NME2: variants seen among roughly 807,000 people sequenced by gnomAD.
NME2 encodes the protein NME/NM23 nucleoside diphosphate kinase 2, also known as nucleoside diphosphate kinase B.
Under a neutral mutation model 17.8 loss-of-function variants are expected in NME2, and 18 were observed. The ratio of observed to expected loss-of-function variants is 1.01; its 90% CI spans 0.70 to 1.50. The LOEUF is 1.50. Ranked by LOEUF, NME2 falls within the 40% of genes most tolerant of loss-of-function variation. The pLI, the probability that NME2 is intolerant of heterozygous loss-of-function variation, is 0.00. For missense variants in NME2, 161 were observed against 195.6 expected (o/e 0.82, Z 1.05); for synonymous variants, 74 against 71.4 (o/e 1.04, Z -0.19).
At chr17:51,170,156 T>A in intron 4 of NME2, 107 bp downstream of exon 4, 1 of 966,816 alleles carries the variant, frequency 1.0e-6, no homozygotes, top group Non-Finnish European at 1.5e-6. Context: ...TTTTTTTTTT[T>A]TTTTCTTGAG....
intron 3 of NME2, chr17:51,169,601 T>G (rs2050024636): frequency 4.4e-6 from 1 of 225,334 alleles, no homozygotes; most frequent in Admixed American, 6.2e-5. Flanking sequence ...AGCAGTCTTC[T>G]GGGATGCCCT....
intron 2 of NME2, 59 bp from the exon 3 acceptor site, chr17:51,168,183 A>G: frequency 6.4e-7 from 1 of 1,571,740 alleles, no homozygotes; most frequent in Non-Finnish European, 8.7e-7. Flanking sequence ...GGAGGTTCAG[A>G]GGATGGGTTG....
At chr17:51,166,194 G>A (rs2049931476), upstream of NME2, 1 of 152,924 alleles carries the variant, frequency 6.5e-6, no homozygotes, top group Admixed American at 6.5e-5. Context: ...AGTGGGATTT[G>A]GGACGTGCGT....
chr17:51,167,013 T>G (rs2049957528), intron 2 of NME2, 57 bp downstream of exon 2: 2 of 1,607,782 alleles, frequency 1.2e-6, no homozygotes, highest in Middle Eastern at 1.7e-4. Context: ...TGTTTTTCCC[T>G]CCCGGCGGCG....
intron 3 of NME2, 148 bp downstream of exon 3, chr17:51,168,491 A>G (rs1214627579): frequency 5.4e-6 from 4 of 740,940 alleles, no homozygotes; most frequent in Non-Finnish European, 8.7e-6. Context: ...GGGAGGAGAA[A>G]GCAAATCAGA....
At chr17:51,169,827 C>T in intron 3 of NME2, 110 bp from the exon 4 acceptor site, 1 of 941,640 alleles carries the variant, frequency 1.1e-6, no homozygotes, top group Non-Finnish European at 1.7e-6. Context: ...AGCTGATAAT[C>T]ATGTCACTGA....
At chr17:51,169,196 A>G (rs1216792588) in intron 3 of NME2, among the ~76,000 whole-genome samples, 12 of 151,876 alleles carry the variant, frequency 7.9e-5, no homozygotes, top group Non-Finnish European at 1.5e-5. Context: ...TAATCCCAGC[A>G]CTTTGGGAGG....
rs772222688 is a variant in NME2, at chr17:51,171,512, G to C, written c.367G>C (p.Val123Leu). 4 of 1,613,602 alleles carry C rather than the reference G, an allele frequency of 2.5e-6. No homozygotes were observed. The African/African-American group carries it at 5.3e-5, about 22-fold the overall frequency. Reference sequence around the variant, plus strand: ...GAACATCATTCATGGCAGTGATTCAGTAAAAAGTGCTGAAAAAGAAATCAG... The same window carrying C: ...GAACATCATTCATGGCAGTGATTCACTAAAAAGTGCTGAAAAAGAAATCAG... The part of the protein sequence containing the change: ...GRNIIHGSDS[V>L]KSAEKEISLW... Residue 123 changes from valine (V) to leucine (L), a missense_variant, in exon 5 of 5, where the codon GTA becomes CTA. By Grantham distance (32) the Val-to-Leu change is conservative (BLOSUM62 1). Coordinates refer to ENST00000512737, the MANE Select transcript of NME2 (RefSeq NM_002512.4).
rs1215876025 is a variant in NME2, at chr17:51,171,726, A to G, written c.*122A>G. On this transcript the variant is annotated 3_prime_UTR_variant, in exon 5 of 5. Transcript: ENST00000512737. ...TCTTTTATAGAGCATATTTGCCAAT[A>G]AAGCTTTTGGAAGCCGGACACTGTC... is the stretch of plus-strand genomic sequence containing the variant. The G allele has an allele frequency of 2.7e-6, 2 of 739,248 alleles. No homozygotes were observed. The highest frequency in any genetic ancestry group is 5.7e-5 in the Admixed American group (2 of 35,132). The allele number at this position is 739,248 out of a possible 1,614,324, so 45.8% of individuals were successfully genotyped here.
rs2050072763 is a variant in NME2 at position 51,171,671 on chromosome 17, C to T, written c.*67C>T. The T allele has an allele frequency of 1.6e-6, 2 of 1,222,968 alleles. No individual in the cohort carries two copies. Among genetic ancestry groups the T allele is most frequent in the Non-Finnish European group, 2.4e-6 (2 of 841,846 alleles). 75.8% of individuals were successfully genotyped at this position (1,222,968 alleles called of 1,614,324 possible). ...TGTCCCTGGACACAGCTCTTCATTC[C>T]ATTGACTTAGAGGCAACAGGATTGA... On this transcript the variant is annotated 3_prime_UTR_variant, in exon 5 of 5. Coordinates refer to ENST00000512737, the MANE Select transcript of NME2 (RefSeq NM_002512.4).
rs754370128 is a variant in NME2, at chr17:51,169,954, C to T, written c.246C>T (p.Asn82=). Residue 82 remains asparagine, a synonymous_variant, in exon 4 of 5, where the codon AAC becomes AAT. Coordinates refer to ENST00000512737, the MANE Select transcript of NME2 (RefSeq NM_002512.4). ...CTTTCGAGGTCTGGGAGGGGCTGAA[C>T]GTGGTGAAGACAGGCCGAGTGATGC... ...PVVAMVWEGL[N]VVKTGRVMLG... The T allele has an allele frequency of 1.5e-5, 25 of 1,613,232 alleles. No homozygotes were observed. In the Admixed American group the frequency reaches 1.8e-4, roughly 12 times the overall value.
At chr17:51,166,626 G>T (rs2049944384) in intron 1 of NME2, 129 bp downstream of exon 1, 2 of 386,566 alleles carry the variant, frequency 5.2e-6, no homozygotes, top group East Asian at 1.0e-4. Flanking sequence ...CGGAGCGGGA[G>T]ATTCCCTTGC....
chr17:51,166,674 A>G lies in NME2; in HGVS notation c.-4-153A>G, dbSNP rs528382392. On this transcript the variant is annotated intron_variant, in intron 1 of 4. Coordinates refer to ENST00000512737, the MANE Select transcript of NME2 (RefSeq NM_002512.4). Reference sequence around the variant, plus strand: ...GCGGGCCTTCGGGCTCCGCAGAGGGACGCCGGCCCTGCGCGGGGCGGAAGC... The same window carrying G: ...GCGGGCCTTCGGGCTCCGCAGAGGGGCGCCGGCCCTGCGCGGGGCGGAAGC... 1.3e-4 allele frequency: 90 copies of G among 705,398 alleles called. No individual in the cohort carries two copies. In the South Asian group the frequency reaches 4.4e-3, roughly 35 times the overall value. The allele number at this position is 705,398 out of a possible 1,614,324, so 43.7% of individuals were successfully genotyped here.
chr17:51,168,153 T>C, intron 2 of NME2, 89 bp from the exon 3 acceptor site: 2 of 1,255,302 alleles, frequency 1.6e-6, no homozygotes, highest in East Asian at 4.7e-5. Flanking sequence ...GGCTAGAATA[T>C]AAAACCGGAC....
At chr17:51,168,102 T>C (rs1598249450) in intron 2 of NME2, 140 bp from the exon 3 acceptor site, 2 of 626,266 alleles carry the variant, frequency 3.2e-6, no homozygotes. Context: ...TGTATATGTG[T>C]GTATATATAT....
intron 2 of NME2, chr17:51,167,367 C>CGAG (rs1419845374): frequency 1.1e-5 from 3 of 270,256 alleles, no homozygotes; most frequent in African/African-American, 7.1e-5. Context: ...GGTGCTCCTC[C>CGAG]TTTAGCATAG....
intron 4 of NME2, 39 bp downstream of exon 4, chr17:51,170,088 A>G: frequency 6.6e-7 from 1 of 1,508,214 alleles, no homozygotes; most frequent in South Asian, 1.2e-5. Context: ...CTTTTATGCA[A>G]CACCATTTAA....
chr17:51,167,281 C>A, intron 2 of NME2: 1 of 379,182 alleles, frequency 2.6e-6, no homozygotes, highest in Non-Finnish European at 4.9e-6. Context: ...TGCGCCTGCC[C>A]ACTCGGGTCC....
intron 3 of NME2, chr17:51,169,439 CA>C (rs35598805): frequency 0.04 from 4,005 of 99,092 alleles, 150 homozygotes; most frequent in African/African-American, 0.13. Flanking sequence ...GACTCTGTCT[CA>C]AAAAAAAAAA....
Sources: gnomAD v4.1 joint callset for allele counts (sites outside exome capture counted in the v4.1 genomes callset) on GRCh38, gnomAD v4.1.1 for gene constraint, MANE v1.5 for transcripts, NCBI Gene and HGNC (gene_info 2026-07-23, HGNC 2026-07-21) for gene names.